The following NLK variants were observed in gnomAD, a reference collection of about 807,000 sequenced individuals.
The protein encoded by NLK is nemo like kinase.
In NLK, 11 loss-of-function variants were observed where a neutral mutation model predicts 59.0. The observed-to-expected ratio is 0.19, with a 90% CI of 0.12 to 0.31. NLK has a LOEUF of 0.31. Ranked by LOEUF, NLK falls within the 10% of genes least tolerant of loss-of-function variation. NLK has a pLI of 1.00. For synonymous variants in NLK, 235 were observed against 235.9 expected (o/e 1.00, Z 0.03); for missense variants, 410 against 661.1 (o/e 0.62, Z 4.16).
chr17:28,144,801 T>G (rs1907171801), intron 3 of NLK, among the ~76,000 whole-genome samples: 1 of 152,218 alleles, frequency 6.6e-6, no homozygotes, highest in Admixed American at 6.5e-5. Flanking sequence ...CAGAAGCCAC[T>G]AAATATATCA....
intron 1 of NLK, among the ~76,000 whole-genome samples, chr17:28,091,364 G>A (rs1904485391): frequency 6.6e-6 from 1 of 151,988 alleles, no homozygotes; most frequent in Non-Finnish European, 1.5e-5. Flanking sequence ...GTAGCATTAT[G>A]TCTTAATAAA....
chr17:28,192,725 C>T (rs183937931), intron 10 of NLK, among the ~76,000 whole-genome samples: 28 of 152,104 alleles, frequency 1.8e-4, no homozygotes, highest in Non-Finnish European at 2.8e-4. Flanking sequence ...CAGTTCACTG[C>T]GGTTGCTTTG....
At chr17:28,142,195 G>A (rs187076335) in intron 3 of NLK, among the ~76,000 whole-genome samples, 2 of 151,862 alleles carry the variant, frequency 1.3e-5, no homozygotes, top group Non-Finnish European at 2.9e-5. Flanking sequence ...CAGCTTTCCC[G>A]CTTTTTTCTT....
intron 1 of NLK, among the ~76,000 whole-genome samples, chr17:28,056,196 T>G (rs1909437049): frequency 6.6e-6 from 1 of 152,228 alleles, no homozygotes; most frequent in African/African-American, 2.4e-5. Flanking sequence ...TCCTGTTTGT[T>G]TCACTAACAT....
intron 1 of NLK, among the ~76,000 whole-genome samples, chr17:28,056,881 T>G (rs1909461210): frequency 6.6e-6 from 1 of 151,912 alleles, no homozygotes; most frequent in African/African-American, 2.4e-5. Context: ...AATTGTATGA[T>G]ATATCCAGAA....
chr17:28,109,978 A>G (rs1233554889), intron 1 of NLK, among the ~76,000 whole-genome samples: 3 of 152,214 alleles, frequency 2.0e-5, no homozygotes, highest in African/African-American at 4.8e-5. Context: ...TTGGGATTAC[A>G]TTGAATCTAT....
At position 28,194,669 on chromosome 17, in the gene NLK, T is replaced by C; in HGVS notation, c.*33T>C. 6.6e-7 allele frequency: 1 copy of C among 1,507,290 alleles called. No homozygotes were observed. The highest frequency in any genetic ancestry group is 1.2e-5 in the South Asian group (1 of 82,636). 93.4% of individuals were successfully genotyped at this position (1,507,290 alleles called of 1,614,324 possible). ...AGATAATGTACTACTGAAGATGTAA[T>C]GTAGCTTTCCACTGGAGTCTGGGAT... is the stretch of plus-strand genomic sequence containing the variant. On this transcript the variant is annotated 3_prime_UTR_variant, in exon 11 of 11. Transcript: ENST00000407008.
chr17:28,072,412 A>G (rs1337478223), intron 1 of NLK, among the ~76,000 whole-genome samples: 1 of 144,906 alleles, frequency 6.9e-6, no homozygotes, highest in African/African-American at 2.6e-5. Context: ...TGCAGCCTCC[A>G]CCTGCTGTGC....
At chr17:28,190,797 CTAAGTACTTT>C (rs1392430725) in intron 8 of NLK, 1 of 437,288 alleles carries the variant, frequency 2.3e-6, no homozygotes, top group Non-Finnish European at 4.0e-6. Context: ...AAAGGCACTT[CTAAGTACTTT>C]GTGATGGTAG....
intron 1 of NLK, among the ~76,000 whole-genome samples, chr17:28,065,747 T>C (rs1909803655): frequency 6.6e-6 from 1 of 152,224 alleles, no homozygotes; most frequent in South Asian, 2.1e-4. Context: ...CATAACTTGC[T>C]TGAGGCTCAT....
chr17:28,148,251 C>A (rs1302357974), intron 3 of NLK, among the ~76,000 whole-genome samples: 2 of 152,036 alleles, frequency 1.3e-5, no homozygotes, highest in African/African-American at 2.4e-5. Flanking sequence ...CCCACCCCCC[C>A]ACAAAAAGTA....
At chr17:28,164,446 G>A (rs1463082648) in intron 5 of NLK, among the ~76,000 whole-genome samples, 1 of 151,468 alleles carries the variant, frequency 6.6e-6, no homozygotes, top group South Asian at 2.1e-4. Flanking sequence ...TTTCCATAAT[G>A]TATAGTAGCC....
intron 3 of NLK, among the ~76,000 whole-genome samples, chr17:28,147,976 G>A (rs1191419668): frequency 6.6e-6 from 1 of 152,130 alleles, no homozygotes; most frequent in African/African-American, 2.4e-5. Flanking sequence ...AAGAAGGAAA[G>A]AAATGGAAAA....
At chr17:28,097,211 A>G (rs1371456118) in intron 1 of NLK, among the ~76,000 whole-genome samples, 5 of 152,216 alleles carry the variant, frequency 3.3e-5, no homozygotes, top group Non-Finnish European at 1.5e-5. Context: ...ACATTAAAAA[A>G]TGTTCAAATA....
chr17:28,110,109 CTATG>C (rs1369125627), intron 1 of NLK, among the ~76,000 whole-genome samples: 4 of 152,060 alleles, frequency 2.6e-5, no homozygotes, highest in Non-Finnish European at 5.9e-5. Context: ...AGTTTGCATT[CTATG>C]TGTTACACTT....
chr17:28,157,179 C>A (rs907163528), intron 3 of NLK, among the ~76,000 whole-genome samples: 6 of 148,058 alleles, frequency 4.1e-5, no homozygotes, highest in Non-Finnish European at 7.4e-5. Flanking sequence ...ACAATGCTCA[C>A]CTATTTCTTA....
At chr17:28,126,343 A>G (rs947117501) in intron 2 of NLK, among the ~76,000 whole-genome samples, 1 of 152,172 alleles carries the variant, frequency 6.6e-6, no homozygotes, top group Non-Finnish European at 1.5e-5. Context: ...CAGGTATCTG[A>G]TTTTTTAAAG....
intron 1 of NLK, among the ~76,000 whole-genome samples, chr17:28,057,111 C>A (rs35370641): frequency 9.9e-5 from 15 of 151,874 alleles, no homozygotes; most frequent in Non-Finnish European, 1.6e-4. Flanking sequence ...TGCACCACCA[C>A]GCCCGGCTAA....
chr17:28,092,282 A>G, intron 1 of NLK, among the ~76,000 whole-genome samples: 1 of 152,062 alleles, frequency 6.6e-6, no homozygotes, highest in Admixed American at 6.6e-5. Flanking sequence ...TGGGGGGAGA[A>G]GGAAAGGTAA....
Sources: allele counts gnomAD v4.1 joint callset (sites outside exome capture counted in the v4.1 genomes callset), GRCh38; gene constraint gnomAD v4.1.1; transcripts MANE v1.5; gene names NCBI Gene and HGNC (gene_info 2026-07-23, HGNC 2026-07-21).